PRSS23: variants seen among roughly 807,000 people sequenced by gnomAD.
The protein encoded by PRSS23 is serine protease 23.
In PRSS23, 25 loss-of-function variants were observed where a neutral mutation model predicts 34.7. That is an observed-to-expected ratio of 0.72 (90% CI 0.53 to 1.01). The LOEUF is 1.01. PRSS23 is among the 50% of genes least tolerant of loss of function. The probability of loss-of-function intolerance (pLI) is 0.00; values close to 1 mark genes in which losing one functional copy is unlikely to be tolerated. For synonymous variants in PRSS23, 176 were observed against 186.6 expected, an observed-to-expected ratio of 0.94 and a Z score of 0.46; for missense variants, 445 against 475.6, an observed-to-expected ratio of 0.94 and a Z score of 0.60.
chr11:86,846,915 A>G (rs1948490458), intron 2 of PRSS23, among the ~76,000 whole-genome samples: 1 of 152,202 alleles, frequency 6.6e-6, no homozygotes, highest in Non-Finnish European at 1.5e-5. Flanking sequence ...TTTCATGTGG[A>G]TAGTAGAAGC....
chr11:86,952,418 G>C lies in PRSS23; in HGVS notation c.*1133G>C, dbSNP rs148672481. On this transcript the variant is annotated 3_prime_UTR_variant, in exon 3 of 3. Coordinates refer to the PRSS23 transcript ENST00000533902. Reference sequence around the variant, plus strand: ...ACACATGCCGCCGCATGGGCCAATGGGGATGTTGATCTTCTCTGTGCACAT... The same window carrying C: ...ACACATGCCGCCGCATGGGCCAATGCGGATGTTGATCTTCTCTGTGCACAT... 73 of 1,613,986 alleles carry C rather than the reference G, an allele frequency of 4.5e-5. No homozygotes were observed. The African/African-American group carries it at 8.8e-4, about 19-fold the overall frequency.
intron 2 of PRSS23, among the ~76,000 whole-genome samples, chr11:86,828,730 A>G (rs1354518778): frequency 2.6e-5 from 4 of 152,042 alleles, no homozygotes; most frequent in Non-Finnish European, 4.4e-5. Context: ...TCTGTAAAGT[A>G]TTTTATTTCT....
intron 2 of PRSS23, among the ~76,000 whole-genome samples, chr11:86,881,704 C>G (rs1190259496): frequency 6.6e-6 from 1 of 152,066 alleles, no homozygotes; most frequent in Non-Finnish European, 1.5e-5. Context: ...GTAGAATTCA[C>G]CAGTGAAATC....
At chr11:86,927,227 G>A (rs1384110740) in intron 2 of PRSS23, among the ~76,000 whole-genome samples, 1 of 152,144 alleles carries the variant, frequency 6.6e-6, no homozygotes, top group Non-Finnish European at 1.5e-5. Flanking sequence ...ATACCTCAAG[G>A]TTTCTATTAT....
At chr11:86,836,178 C>T (rs1948404064) in intron 2 of PRSS23, among the ~76,000 whole-genome samples, 1 of 152,094 alleles carries the variant, frequency 6.6e-6, no homozygotes, top group African/African-American at 2.4e-5. Flanking sequence ...CATTGATAAT[C>T]CTGAGATCTT....
intron 2 of PRSS23, among the ~76,000 whole-genome samples, chr11:86,898,027 A>G (rs906876407): frequency 6.6e-6 from 1 of 152,238 alleles, no homozygotes; most frequent in Non-Finnish European, 1.5e-5. Flanking sequence ...TCATTTTAAA[A>G]GTAACATTCC....
At chr11:86,860,927 G>A (rs189375594) in intron 2 of PRSS23, among the ~76,000 whole-genome samples, 2 of 151,908 alleles carry the variant, frequency 1.3e-5, no homozygotes, top group East Asian at 3.9e-4. Context: ...ATATCCGTGG[G>A]GTGAGTATGA....
At chr11:86,827,136 G>T (rs555958487) in intron 2 of PRSS23, among the ~76,000 whole-genome samples, 2 of 152,286 alleles carry the variant, frequency 1.3e-5, no homozygotes, top group African/African-American at 4.8e-5. Flanking sequence ...ACTCATTTTC[G>T]TTGGTAAGCT....
intron 2 of PRSS23, among the ~76,000 whole-genome samples, chr11:86,824,958 A>G (rs1948287519): frequency 6.6e-6 from 1 of 152,136 alleles, no homozygotes; most frequent in African/African-American, 2.4e-5. Flanking sequence ...ATGTGTCTTT[A>G]TAGCAGCATG....
chr11:86,835,987 A>G (rs1948402353), intron 2 of PRSS23, among the ~76,000 whole-genome samples: 1 of 152,130 alleles, frequency 6.6e-6, no homozygotes, highest in African/African-American at 2.4e-5. Flanking sequence ...AGTCCAGGTG[A>G]GTTGAGATGT....
At chr11:86,865,039 A>G (rs1379288154) in intron 2 of PRSS23, among the ~76,000 whole-genome samples, 1 of 152,230 alleles carries the variant, frequency 6.6e-6, no homozygotes, top group Non-Finnish European at 1.5e-5. Context: ...TTTTCCAGGT[A>G]AGGTAAAACA....
In PRSS23 at chr11:86,905,938, G is replaced by A. The variant is rs377697583; in HGVS notation, c.207-45278G>A. On this transcript the variant is annotated intron_variant, in intron 2 of 2. Transcript: ENST00000533902. ...AACAAAGAAGGTGAGGATGAAAGAT[G>A]AGATCTCCTGATCTTGCTGGTGCCC... 5.3e-5 allele frequency among the ~76,000 whole-genome samples: 8 copies of A among 152,342 alleles called. No individual in the cohort carries two copies. The East Asian group carries it at 1.5e-3, about 29-fold the overall frequency.
chr11:86,895,035 T>C (rs1948865407), intron 2 of PRSS23, among the ~76,000 whole-genome samples: 1 of 152,236 alleles, frequency 6.6e-6, no homozygotes, highest in Non-Finnish European at 1.5e-5. Flanking sequence ...ACCAGTACTC[T>C]TTCTTTGATG....
chr11:86,874,194 T>A (rs1337508998), intron 2 of PRSS23, among the ~76,000 whole-genome samples: 1 of 152,268 alleles, frequency 6.6e-6, no homozygotes, highest in East Asian at 1.9e-4. Flanking sequence ...CGATGGAGAA[T>A]CCTTGAGCCA....
chr11:86,947,801 T>A (rs1949256249), intron 2 of PRSS23: 1 of 152,268 alleles, frequency 6.6e-6, no homozygotes, highest in Non-Finnish European at 1.5e-5. Flanking sequence ...GAGAAAGGAA[T>A]CTACCAGAAA....
intron 1 of PRSS23, among the ~76,000 whole-genome samples, chr11:86,802,072 T>G (rs1948046254): frequency 6.6e-6 from 1 of 152,190 alleles, no homozygotes; most frequent in Non-Finnish European, 1.5e-5. Context: ...AACATTTTTG[T>G]CCCCAGTCTG....
At chr11:86,832,138 G>C (rs1175935566) in intron 2 of PRSS23, among the ~76,000 whole-genome samples, 1 of 151,972 alleles carries the variant, frequency 6.6e-6, no homozygotes, top group Non-Finnish European at 1.5e-5. Flanking sequence ...AATATTACTG[G>C]TGGTGTTCAC....
intron 1 of PRSS23, chr11:86,791,344 T>C (rs1172409848): frequency 6.6e-6 from 1 of 152,260 alleles, no homozygotes; most frequent in Non-Finnish European, 1.5e-5. Flanking sequence ...TGGATGATTA[T>C]TCTTGTGGTT....
chr11:86,887,971 G>C (rs936976880), intron 2 of PRSS23, among the ~76,000 whole-genome samples: 4 of 151,868 alleles, frequency 2.6e-5, no homozygotes, highest in Non-Finnish European at 4.4e-5. Flanking sequence ...ATAATTGCTT[G>C]AATCTGGGAG....
Sources: gnomAD v4.1 joint callset for allele counts (sites outside exome capture counted in the v4.1 genomes callset) on GRCh38, gnomAD v4.1.1 for gene constraint, MANE v1.5 for transcripts, NCBI Gene and HGNC (gene_info 2026-07-23, HGNC 2026-07-21) for gene names.